Variants in DLEU7 observed in about 807,000 individuals in gnomAD.
The protein encoded by DLEU7 is deleted in lymphocytic leukemia 7, also known as leukemia-associated protein 7.
In DLEU7, 17 loss-of-function variants were observed where a neutral mutation model predicts 16.0. That is an observed-to-expected ratio of 1.06 (90% CI 0.73 to 1.59). The LOEUF (loss-of-function observed/expected upper bound fraction) is 1.59. Among genes scored for constraint, DLEU7 ranks in the 40% most tolerant of loss-of-function variants. The probability of loss-of-function intolerance (pLI) is 0.00; values close to 1 mark genes in which losing one functional copy is unlikely to be tolerated. For synonymous variants in DLEU7, 113 were observed against 139.8 expected (o/e 0.81, Z 1.35); for missense variants, 308 against 314.9 (o/e 0.98, Z 0.17).
chr13:50,820,389 G>A (rs924674480), downstream of DLEU7, among the ~76,000 whole-genome samples: 8 of 151,974 alleles, frequency 5.3e-5, no homozygotes, highest in African/African-American at 1.9e-4. Context: ...TATTATGAGA[G>A]GCAAAAATTG....
chr13:50,777,428 AT>A (rs1875535703), intron 1 of DLEU7, among the ~76,000 whole-genome samples: 1 of 152,160 alleles, frequency 6.6e-6, no homozygotes, highest in Non-Finnish European at 1.5e-5. Context: ...TCTTTTTCCT[AT>A]GCTGTATGCT....
intron 1 of DLEU7, among the ~76,000 whole-genome samples, chr13:50,732,327 C>T (rs992714288): frequency 5.9e-5 from 9 of 151,948 alleles, no homozygotes; most frequent in South Asian, 2.1e-4. Context: ...AGCTCATGTT[C>T]GAGCTGGGCA....
At chr13:50,742,123 A>C (rs1874266930) in intron 1 of DLEU7, among the ~76,000 whole-genome samples, 1 of 152,182 alleles carries the variant, frequency 6.6e-6, no homozygotes, top group South Asian at 2.1e-4. Context: ...TGCTTGTCCC[A>C]GAATGGGACA....
chr13:50,826,921 T>A (rs1877104509), intron 1 of DLEU7, among the ~76,000 whole-genome samples: 1 of 152,136 alleles, frequency 6.6e-6, no homozygotes, highest in Non-Finnish European at 1.5e-5. Flanking sequence ...AACTATCATT[T>A]AAAACTCAGG....
At chr13:50,823,547 G>C in intron 1 of DLEU7, 27 bp from the exon 2 acceptor site, 1 of 1,533,860 alleles carries the variant, frequency 6.5e-7, no homozygotes, top group Non-Finnish European at 8.7e-7. Flanking sequence ...ACACAAACAA[G>C]AAATTAGATA....
downstream of DLEU7, among the ~76,000 whole-genome samples, chr13:50,820,073 T>C (rs1264334189): frequency 6.6e-6 from 1 of 152,060 alleles, no homozygotes; most frequent in African/African-American, 2.4e-5. Flanking sequence ...AAGGAGGGAA[T>C]AGTCAGCCGC....
At chr13:50,789,773 A>G (rs890536447) in intron 1 of DLEU7, among the ~76,000 whole-genome samples, 2 of 152,190 alleles carry the variant, frequency 1.3e-5, no homozygotes, top group Non-Finnish European at 2.9e-5. Context: ...AGGAAGCTAA[A>G]ACCCAGTGAG....
chr13:50,843,545 T>C lies in DLEU7; in HGVS notation c.102A>G (p.Pro34=). 1.4e-6 allele frequency: 2 copies of C among 1,457,704 alleles called. No individual in the cohort carries two copies. The highest frequency in any genetic ancestry group is 1.8e-6 in the Non-Finnish European group (2 of 1,115,856). The allele number at this position is 1,457,704 out of a possible 1,614,324, so 90.3% of individuals were successfully genotyped here. Residue 34 remains proline (P), a synonymous_variant, in exon 1 of 2, where the codon CCA becomes CCG. Transcript: ENST00000504404. This position sits in a 1 kb window ranked among gnomAD's most constrained non-coding sequence, Gnocchi z 5.7. ...LQQEWGWGDG[P]VAPGNPRDPD... ...GGTCCCGCGGGTTCCCGGGGGCGAC[T>C]GGACCGTCCCCCCAGCCCCACTCCT...
intron 1 of DLEU7, among the ~76,000 whole-genome samples, chr13:50,785,900 C>G (rs1432380714): frequency 1.3e-5 from 2 of 152,158 alleles, no homozygotes; most frequent in African/African-American, 4.8e-5. Context: ...TATCTAAAGG[C>G]AGCAACGCCT....
intron 1 of DLEU7, among the ~76,000 whole-genome samples, chr13:50,754,414 C>A (rs570658056): frequency 6.6e-6 from 1 of 152,280 alleles, no homozygotes; most frequent in Admixed American, 6.5e-5. Flanking sequence ...GGCCTTTTAC[C>A]ATTATATAAT....
intron 1 of DLEU7, among the ~76,000 whole-genome samples, chr13:50,727,674 G>C (rs1873804144): frequency 6.6e-6 from 1 of 152,154 alleles, no homozygotes; most frequent in Non-Finnish European, 1.5e-5. Flanking sequence ...TGCTGTGTCT[G>C]TTGGTCTCAG....
At chr13:50,802,898 T>TAAC (rs1224642806) in intron 1 of DLEU7, among the ~76,000 whole-genome samples, 2 of 152,212 alleles carry the variant, frequency 1.3e-5, no homozygotes, top group African/African-American at 4.8e-5. Flanking sequence ...TTTATCCACA[T>TAAC]AACAATAGAG....
At chr13:50,768,298 T>A (rs866057485) in intron 1 of DLEU7, among the ~76,000 whole-genome samples, 36 of 152,036 alleles carry the variant, frequency 2.4e-4, no homozygotes, top group Non-Finnish European at 3.5e-4. Context: ...ATTTTTTTTT[T>A]ATTATACTTT....
downstream of DLEU7, chr13:50,711,772 C>CGGGGG (rs1873294643): frequency 1.4e-5 from 1 of 72,928 alleles, no homozygotes; most frequent in South Asian, 9.1e-4. Flanking sequence ...GACCCAGTGG[C>CGGGGG]GGGGGCGGGG....
At chr13:50,784,039 C>A (rs1175323473) in intron 1 of DLEU7, among the ~76,000 whole-genome samples, 1 of 152,240 alleles carries the variant, frequency 6.6e-6, no homozygotes, top group East Asian at 1.9e-4. Flanking sequence ...GACCCGCCCC[C>A]TGTGTTTTGC....
At chr13:50,755,458 G>A (rs577093132) in intron 1 of DLEU7, among the ~76,000 whole-genome samples, 5 of 152,070 alleles carry the variant, frequency 3.3e-5, no homozygotes, top group African/African-American at 9.6e-5. Flanking sequence ...TCTGAATTTC[G>A]TTCTTCTACT....
At chr13:50,803,925 T>A (rs1876317065) in intron 1 of DLEU7, among the ~76,000 whole-genome samples, 1 of 152,182 alleles carries the variant, frequency 6.6e-6, no homozygotes, top group African/African-American at 2.4e-5. Flanking sequence ...TCTTCCTTAC[T>A]ACAATACTTT....
intron 1 of DLEU7, among the ~76,000 whole-genome samples, chr13:50,733,991 C>CTTCATT (rs1873993391): frequency 6.6e-6 from 1 of 152,176 alleles, no homozygotes; most frequent in African/African-American, 2.4e-5. Context: ...CACTCTCTGG[C>CTTCATT]TTCATTGATG....
At chr13:50,718,478 G>C (rs979373802) in intron 1 of DLEU7, among the ~76,000 whole-genome samples, 1 of 152,210 alleles carries the variant, frequency 6.6e-6, no homozygotes, top group Non-Finnish European at 1.5e-5. Flanking sequence ...CTATTGGCTG[G>C]AGAAGGAATC....
Sources: allele counts gnomAD v4.1 joint callset (sites outside exome capture counted in the v4.1 genomes callset), GRCh38; gene constraint gnomAD v4.1.1; non-coding constraint Gnocchi (gnomAD v3.1); transcripts MANE v1.5; gene names NCBI Gene and HGNC (gene_info 2026-07-23, HGNC 2026-07-21).